CCDC150: variants seen among roughly 807,000 people sequenced by gnomAD.
CCDC150 encodes the protein coiled-coil domain containing 150.
A neutral mutation model predicts 156.5 loss-of-function variants in CCDC150; 151 were observed. The observed-to-expected ratio is 0.97, with a 90% CI of 0.85 to 1.10. The LOEUF (loss-of-function observed/expected upper bound fraction) is 1.10. Ranked by LOEUF, CCDC150 falls within the 50% of genes least tolerant of loss-of-function variation. The pLI, the probability that CCDC150 is intolerant of heterozygous loss-of-function variation, is 0.00. For synonymous variants in CCDC150, 452 were observed against 429.4 expected, an observed-to-expected ratio of 1.05 and a Z score of -0.65; for missense variants, 1,312 against 1,268.1, an observed-to-expected ratio of 1.03 and a Z score of -0.53.
intron 25 of CCDC150, 142 bp downstream of exon 25, chr2:196,730,260 A>C: frequency 1.5e-6 from 1 of 646,660 alleles, no homozygotes; most frequent in South Asian, 2.8e-5. Flanking sequence ...AAGTCCTTAG[A>C]ATAATAGTAT....
At chr2:196,649,647 C>T (rs570855846) in intron 2 of CCDC150, among the ~76,000 whole-genome samples, 1 of 152,328 alleles carries the variant, frequency 6.6e-6, no homozygotes, top group Middle Eastern at 3.4e-3. Context: ...TTACATAACT[C>T]ATTACTGTAT....
chr2:196,648,952 G>C (rs1019857615), intron 2 of CCDC150, among the ~76,000 whole-genome samples: 1 of 152,114 alleles, frequency 6.6e-6, no homozygotes, highest in African/African-American at 2.4e-5. Context: ...GACCATAAAT[G>C]CATGGGTTTA....
At chr2:196,726,812 G>C (rs1449758855) in intron 22 of CCDC150, 3 of 152,208 alleles carry the variant, frequency 2.0e-5, no homozygotes, top group Non-Finnish European at 2.9e-5. Context: ...TAGAGAGAGA[G>C]TGTTAGCTTA....
intron 5 of CCDC150, among the ~76,000 whole-genome samples, chr2:196,662,346 C>G (rs879528388): frequency 6.6e-6 from 1 of 152,134 alleles, no homozygotes; most frequent in Non-Finnish European, 1.5e-5. Context: ...CTTTTTGGCA[C>G]TAGGGACCAG....
rs548879926 is a variant in CCDC150 at position 196,723,366 on chromosome 2, T to C, written c.2429+1675T>C. On this transcript the variant is annotated intron_variant, in intron 21 of 27. Transcript: ENST00000389175. ...AAATACATACCTGGGTGTGGTGGTGTATGCCTGTAGTCCCAGCTACTCGGG... is the reference window on the plus strand; with the variant it reads ...AAATACATACCTGGGTGTGGTGGTGCATGCCTGTAGTCCCAGCTACTCGGG... Among the ~76,000 whole-genome samples, 14 of 152,102 alleles carry C rather than the reference T, an allele frequency of 9.2e-5. 1 individual carries two copies. The East Asian group carries it at 1.4e-3, about 15-fold the overall frequency.
intron 13 of CCDC150, among the ~76,000 whole-genome samples, chr2:196,689,310 C>T (rs1446379434): frequency 6.6e-6 from 1 of 152,082 alleles, no homozygotes; most frequent in Non-Finnish European, 1.5e-5. Context: ...ATGGGGATGG[C>T]ATTGAATCTG....
At chr2:196,721,113 T>G (rs1697856422) in intron 20 of CCDC150, among the ~76,000 whole-genome samples, 1 of 151,254 alleles carries the variant, frequency 6.6e-6, no homozygotes, top group South Asian at 2.1e-4. Flanking sequence ...ATAAATAAGG[T>G]TTTTTTTCTG....
In CCDC150 at chr2:196,657,134, A is replaced by G. The variant is rs2125584947; in HGVS notation, c.574A>G (p.Lys192Glu). 1 of 1,613,542 alleles carries G rather than the reference A, an allele frequency of 6.2e-7. No homozygotes were observed. Among genetic ancestry groups the G allele is most frequent in the Non-Finnish European group, 8.5e-7 (1 of 1,179,606 alleles). Residue 192 changes from lysine to glutamate, a missense_variant and splice_region_variant, in exon 4 of 28, where the codon AAG (lysine) becomes GAG (glutamate). Physicochemically the swap from Lys to Glu is moderately conservative, Grantham distance 56. Transcript: ENST00000389175. Reference sequence around the variant, plus strand: ...CACTCTGAAGATTGCCTCGCAGACAAAGGTTTGAGTCTAAGAGTTCTGAAG... The same window carrying G: ...CACTCTGAAGATTGCCTCGCAGACAGAGGTTTGAGTCTAAGAGTTCTGAAG... Reference protein sequence around the residue: ...TATLKIASQTKKNAAIIEEEL... With the variant: ...TATLKIASQTEKNAAIIEEEL...
At chr2:196,642,043 G>A (rs1692260220) in intron 1 of CCDC150, among the ~76,000 whole-genome samples, 1 of 152,156 alleles carries the variant, frequency 6.6e-6, no homozygotes, top group Non-Finnish European at 1.5e-5. Flanking sequence ...TAAACATCAA[G>A]ACAGAATTCT....
Position 196,672,434 on chromosome 2 carries a change from A to G in CCDC150, c.1026A>G (p.Ala342=), listed in dbSNP as rs760430849. The change falls in exon 9 of 28, where the codon GCA becomes GCG. Residue 342 remains alanine (A), a synonymous_variant. Transcript: ENST00000389175. ...IMSLHEASEK[A]QVLNDQLTKK... ...CTCTTCATGAAGCATCAGAAAAAGC[A>G]CAAGTAAATGCTCATGATTTTGTTA... 2.0e-6 allele frequency: 3 copies of G among 1,483,698 alleles called. No homozygotes were observed. Among genetic ancestry groups the G allele is most frequent in the Admixed American group, 4.9e-5 (2 of 40,410 alleles). 91.9% of individuals were successfully genotyped at this position (1,483,698 alleles called of 1,614,324 possible). A position where few individuals can be genotyped will look rare whatever the true frequency, so the allele number is the denominator to read the frequency against.
At position 196,669,892 on chromosome 2, in the gene CCDC150, G is replaced by A. The variant is rs1171293221; in HGVS notation, c.936+16G>A. On this transcript the variant is annotated intron_variant, in intron 8 of 27. Transcript: ENST00000389175. ...AGAAAATAAGGTGAGTTTTGAAGTTGTGGAGTACAGAGGTGGTCTTTCCTC... is the reference window on the plus strand; with the variant it reads ...AGAAAATAAGGTGAGTTTTGAAGTTATGGAGTACAGAGGTGGTCTTTCCTC... The A allele has an allele frequency of 6.2e-7, 1 of 1,602,608 alleles. No individual in the cohort carries two copies. Among genetic ancestry groups the A allele is most frequent in the East Asian group, 2.2e-5 (1 of 44,698 alleles).
intron 21 of CCDC150, 120 bp from the exon 22 acceptor site, chr2:196,725,853 G>C (rs1166572460): frequency 1.2e-6 from 1 of 865,974 alleles, no homozygotes; most frequent in African/African-American, 1.7e-5. Flanking sequence ...CCAGGCTACT[G>C]ATAGGCTGCT....
chr2:196,699,472 C>G (rs965930176), intron 14 of CCDC150, among the ~76,000 whole-genome samples: 5 of 150,604 alleles, frequency 3.3e-5, no homozygotes, highest in African/African-American at 1.2e-4. Flanking sequence ...AATGAAAATT[C>G]TTCTAGCCAA....
rs911887671 is a variant in CCDC150 at position 196,732,745 on chromosome 2, T to G, written c.*183T>G. The G allele has an allele frequency of 1.2e-5, 5 of 416,486 alleles. No homozygotes were observed. Among genetic ancestry groups the G allele is most frequent in the East Asian group, 7.6e-5 (2 of 26,462 alleles). 25.8% of individuals were successfully genotyped at this position (416,486 alleles called of 1,614,324 possible). ...ATCAGTACAAAACTACCCCTTTTTT[T>G]GTCCCTTTTCACATTTTCCACCCAA... On this transcript the variant is annotated 3_prime_UTR_variant, in exon 28 of 28. Transcript: ENST00000389175.
chr2:196,644,437 G>T (rs750110662), intron 1 of CCDC150, among the ~76,000 whole-genome samples: 3 of 152,134 alleles, frequency 2.0e-5, no homozygotes, highest in Non-Finnish European at 4.4e-5. Flanking sequence ...ACCAACTGCA[G>T]CCCTGGTTTA....
chr2:196,653,500 C>T (rs1360508218), intron 2 of CCDC150, among the ~76,000 whole-genome samples: 1 of 152,140 alleles, frequency 6.6e-6, no homozygotes, highest in Non-Finnish European at 1.5e-5. Context: ...CGTGAGTGAC[C>T]TTTACTCTTA....
intron 25 of CCDC150, 26 bp downstream of exon 25, chr2:196,730,144 T>G: frequency 6.4e-7 from 1 of 1,568,760 alleles, no homozygotes; most frequent in Non-Finnish European, 8.6e-7. Context: ...AGATTCATCT[T>G]AAAGATGGTC....
intron 14 of CCDC150, among the ~76,000 whole-genome samples, chr2:196,697,091 C>T (rs914213508): frequency 6.6e-6 from 1 of 152,208 alleles, no homozygotes; most frequent in Non-Finnish European, 1.5e-5. Flanking sequence ...TCTGCATTCA[C>T]TCTCTTCTAA....
At chr2:196,672,722 T>G (rs1049985453) in intron 9 of CCDC150, among the ~76,000 whole-genome samples, 4 of 152,204 alleles carry the variant, frequency 2.6e-5, no homozygotes, top group African/African-American at 7.2e-5. Context: ...TCATTAAATA[T>G]ATGTATTTCC....
Sources: allele counts gnomAD v4.1 joint callset (sites outside exome capture counted in the v4.1 genomes callset), GRCh38; gene constraint gnomAD v4.1.1; transcripts MANE v1.5; gene names NCBI Gene and HGNC (gene_info 2026-07-23, HGNC 2026-07-21).